GRAMD2A: variants seen among roughly 807,000 people sequenced by gnomAD.
The protein encoded by GRAMD2A is GRAM domain containing 2A.
In GRAMD2A, 37 loss-of-function variants were observed where a neutral mutation model predicts 51.1. The observed-to-expected ratio is 0.72, with a 90% CI of 0.56 to 0.95. GRAMD2A has a LOEUF of 0.95. GRAMD2A is among the 40% of genes least tolerant of loss of function. GRAMD2A has a pLI of 0.00. For missense variants in GRAMD2A, 414 were observed against 426.9 expected (o/e 0.97, Z 0.27); for synonymous variants, 136 against 157.1 (o/e 0.87, Z 1.01).
At chr15:72,184,806 A>C (rs1404348599) in intron 1 of GRAMD2A, among the ~76,000 whole-genome samples, 1 of 152,242 alleles carries the variant, frequency 6.6e-6, no homozygotes, top group African/African-American at 2.4e-5. Flanking sequence ...ACAGGAGAGA[A>C]AAACAAATAA....
intron 1 of GRAMD2A, among the ~76,000 whole-genome samples, chr15:72,171,681 T>C (rs2081611122): frequency 6.6e-6 from 1 of 152,226 alleles, no homozygotes; most frequent in Non-Finnish European, 1.5e-5. Context: ...TGTCTTCATT[T>C]GTATTTCTGC....
rs2081683420 is a variant in GRAMD2A at position 72,179,801 on chromosome 15, G to C, written c.42-9862C>G. ...CCTCTGTCCCATCACATCCTTGAAG[G>C]ATACCTAGAGGGGCATCTACCCACG... On this transcript the variant is annotated intron_variant, in intron 1 of 11. Transcript: ENST00000309731. Among the ~76,000 whole-genome samples the C allele has an allele frequency of 1.3e-5, 2 of 152,134 alleles. 1 individual carries two copies. The highest frequency in any genetic ancestry group is 4.1e-4 in the South Asian group (2 of 4,828).
In GRAMD2A at chr15:72,166,767, G is replaced by T. The variant is rs1307090885; in HGVS notation, c.472-64C>A. The T allele has an allele frequency of 1.4e-6, 2 of 1,419,706 alleles. No individual in the cohort carries two copies. The highest frequency in any genetic ancestry group is 2.3e-5 in the East Asian group (1 of 43,904). 87.9% of individuals were successfully genotyped at this position (1,419,706 alleles called of 1,614,324 possible). ...ATGAGACTCCTTGCTGTGCCAGCCA[G>T]CCCCCTTGTGGATTGGGCACAGGCC... On this transcript the variant is annotated intron_variant, in intron 6 of 11. Coordinates refer to ENST00000309731, the MANE Select transcript of GRAMD2A (RefSeq NM_001012642.3). The surrounding 1 kb of genome is among the most constrained non-coding windows in gnomAD (Gnocchi z 4.1).
At chr15:72,184,157 A>G (rs2081718560) in intron 1 of GRAMD2A, among the ~76,000 whole-genome samples, 1 of 152,124 alleles carries the variant, frequency 6.6e-6, no homozygotes, top group East Asian at 1.9e-4. Context: ...CCCTCGCCCC[A>G]CGGCCTCACT....
At chr15:72,186,452 G>T (rs1483482068) in intron 1 of GRAMD2A, among the ~76,000 whole-genome samples, 1 of 151,914 alleles carries the variant, frequency 6.6e-6, no homozygotes, top group Non-Finnish European at 1.5e-5. Context: ...AGCCTCCCGA[G>T]TAGCTGGGAC....
Position 72,197,712 on chromosome 15 carries a change from C to G in GRAMD2A, c.41+19G>C, listed in dbSNP as rs2081821912. 2 of 1,317,268 alleles carry G rather than the reference C, an allele frequency of 1.5e-6. No individual in the cohort carries two copies. The highest frequency in any genetic ancestry group is 1.9e-6 in the Non-Finnish European group (2 of 1,028,232). The allele number at this position is 1,317,268 out of a possible 1,614,324, so 81.6% of individuals were successfully genotyped here. A position where few individuals can be genotyped will look rare whatever the true frequency, so the allele number is the denominator to read the frequency against. On this transcript the variant is annotated intron_variant, in intron 1 of 11. Transcript: ENST00000309731. ...CCTCCGGAACCCCCGAGACCGGCCC[C>G]CGGGCCGCAACCCCTTACCCGCCCT... is the stretch of plus-strand genomic sequence containing the variant.
At chr15:72,197,172 G>A (rs573007964) in intron 1 of GRAMD2A, among the ~76,000 whole-genome samples, 51 of 152,178 alleles carry the variant, frequency 3.4e-4, no homozygotes, top group African/African-American at 1.2e-3. Flanking sequence ...CCGCCCGACC[G>A]GGATGGGCCT....
At chr15:72,175,522 G>A (rs999648069) in intron 1 of GRAMD2A, among the ~76,000 whole-genome samples, 2 of 152,162 alleles carry the variant, frequency 1.3e-5, no homozygotes, top group Non-Finnish European at 2.9e-5. Flanking sequence ...TCACACCTGC[G>A]TGCTTTGCCT....
intron 1 of GRAMD2A, among the ~76,000 whole-genome samples, chr15:72,180,509 A>G (rs1596693494): frequency 6.6e-6 from 1 of 152,234 alleles, no homozygotes; most frequent in African/African-American, 2.4e-5. Flanking sequence ...AGACGCCCCC[A>G]CTCAGGGCTG....
At chr15:72,163,172 T>C (rs1461598333) in intron 10 of GRAMD2A, 94 bp downstream of exon 10, 1 of 834,930 alleles carries the variant, frequency 1.2e-6, no homozygotes. Context: ...TTCCCCCTGG[T>C]TCTGAATAGT....
At chr15:72,172,966 C>A (rs1051333339) in intron 1 of GRAMD2A, among the ~76,000 whole-genome samples, 2 of 152,106 alleles carry the variant, frequency 1.3e-5, no homozygotes, top group African/African-American at 4.8e-5. Flanking sequence ...ACAGCGTGGG[C>A]CTGGCAGTGA....
chr15:72,196,385 G>A (rs569406670), intron 1 of GRAMD2A, among the ~76,000 whole-genome samples: 34 of 152,024 alleles, frequency 2.2e-4, no homozygotes, highest in African/African-American at 8.0e-4. Flanking sequence ...GCGTGGTGGT[G>A]GGCACCTGTA....
intron 1 of GRAMD2A, among the ~76,000 whole-genome samples, chr15:72,177,873 G>A (rs1351092782): frequency 2.0e-5 from 3 of 152,184 alleles, no homozygotes; most frequent in African/African-American, 2.4e-5. Flanking sequence ...GATTACAGGC[G>A]TGTGCCAACA....
chr15:72,182,473 A>G (rs551830997), intron 1 of GRAMD2A, among the ~76,000 whole-genome samples: 1 of 152,256 alleles, frequency 6.6e-6, no homozygotes, highest in East Asian at 1.9e-4. Flanking sequence ...CTTAGATATG[A>G]CACCGAAAGC....
At chr15:72,190,102 C>A (rs556587344) in intron 1 of GRAMD2A, among the ~76,000 whole-genome samples, 2 of 152,160 alleles carry the variant, frequency 1.3e-5, no homozygotes, top group Non-Finnish European at 2.9e-5. Flanking sequence ...ATTAGCTGGG[C>A]GTGGTGGCTC....
At chr15:72,181,985 T>A (rs1241458059) in intron 1 of GRAMD2A, among the ~76,000 whole-genome samples, 1 of 152,158 alleles carries the variant, frequency 6.6e-6, no homozygotes, top group Non-Finnish European at 1.5e-5. Context: ...GAAATAAAAG[T>A]CTTTTCAACA....
At chr15:72,188,481 T>C (rs1272277039) in intron 1 of GRAMD2A, among the ~76,000 whole-genome samples, 1 of 152,142 alleles carries the variant, frequency 6.6e-6, no homozygotes, top group Non-Finnish European at 1.5e-5. Context: ...TATTTATCAA[T>C]ATTTATTAAA....
intron 1 of GRAMD2A, among the ~76,000 whole-genome samples, chr15:72,182,617 T>A (rs2081705207): frequency 2.0e-5 from 3 of 152,216 alleles, no homozygotes. Context: ...ATCTGTCTGA[T>A]AAGGATTTAG....
chr15:72,196,502 T>C (rs978214137), intron 1 of GRAMD2A, among the ~76,000 whole-genome samples: 3 of 145,926 alleles, frequency 2.1e-5, no homozygotes, highest in Non-Finnish European at 4.5e-5. Context: ...GGTGACAGAG[T>C]GAAACTGTCT....
Sources: allele counts gnomAD v4.1 joint callset (sites outside exome capture counted in the v4.1 genomes callset), GRCh38; gene constraint gnomAD v4.1.1; non-coding constraint Gnocchi (gnomAD v3.1); transcripts MANE v1.5; gene names NCBI Gene and HGNC (gene_info 2026-07-23, HGNC 2026-07-21).